Variants in PLCH1 observed in about 807,000 individuals in gnomAD.
PLCH1 encodes the protein phospholipase C eta 1.
A neutral mutation model predicts 126.7 loss-of-function variants in PLCH1; 60 were observed. That is an observed-to-expected ratio of 0.47 (90% CI 0.38 to 0.59). The LOEUF (loss-of-function observed/expected upper bound fraction) is 0.59, where lower values mean the gene tolerates loss of function less well. Among genes scored for constraint, PLCH1 ranks in the 20% least tolerant of loss-of-function variants. The pLI is 0.00. For missense variants in PLCH1, 1,723 were observed against 2,040.0 expected, an observed-to-expected ratio of 0.84 and a Z score of 2.99; for synonymous variants, 719 against 734.9, an observed-to-expected ratio of 0.98 and a Z score of 0.35.
intron 10 of PLCH1, among the ~76,000 whole-genome samples, chr3:155,529,158 T>C (rs1576919933): frequency 6.6e-6 from 1 of 152,360 alleles, no homozygotes; most frequent in East Asian, 1.9e-4. Flanking sequence ...CTTTCTGATC[T>C]ACATATATTT....
At chr3:155,598,247 C>T (rs150878779) in intron 2 of PLCH1, among the ~76,000 whole-genome samples, 1 of 152,042 alleles carries the variant, frequency 6.6e-6, no homozygotes, top group East Asian at 1.9e-4. Context: ...AAGCACAGAA[C>T]AAAAGTTGAG....
At chr3:155,555,429 G>C (rs1020887000) in intron 8 of PLCH1, among the ~76,000 whole-genome samples, 2 of 152,162 alleles carry the variant, frequency 1.3e-5, no homozygotes, top group Non-Finnish European at 2.9e-5. Flanking sequence ...CTTTAGAAGT[G>C]GTGAAGATGG....
intron 8 of PLCH1, among the ~76,000 whole-genome samples, chr3:155,557,493 AG>A (rs1726979259): frequency 6.6e-6 from 1 of 152,220 alleles, no homozygotes; most frequent in Admixed American, 6.5e-5. Context: ...TTCATAACTG[AG>A]GATAGGAGGT....
At chr3:155,542,242 C>G (rs181767562) in intron 10 of PLCH1, among the ~76,000 whole-genome samples, 15 of 152,352 alleles carry the variant, frequency 9.8e-5, no homozygotes, top group Non-Finnish European at 1.6e-4. Context: ...TATCCCGCAC[C>G]TGGCTCGGAG....
chr3:155,486,967 G>A (rs919837529), intron 21 of PLCH1: 4 of 152,134 alleles, frequency 2.6e-5, no homozygotes, highest in African/African-American at 9.7e-5. Context: ...TTAGATGAGA[G>A]GCAAGACCCC....
At chr3:155,726,878 C>CTTTTTTTTTT (rs201977097) in intron 1 of PLCH1, among the ~76,000 whole-genome samples, 9 of 133,120 alleles carry the variant, frequency 6.8e-5, no homozygotes, top group African/African-American at 1.9e-4. Flanking sequence ...TTTCTTTTTT[C>CTTTTTTTTTT]TTTTTTTTTT....
chr3:155,553,981 T>C (rs1726473930), intron 9 of PLCH1, 95 bp downstream of exon 9: 2 of 1,218,074 alleles, frequency 1.6e-6, no homozygotes, highest in African/African-American at 3.0e-5. Context: ...CAGTGTAGAG[T>C]CCAAGGAAGA....
intron 14 of PLCH1, among the ~76,000 whole-genome samples, chr3:155,498,675 G>GA (rs1489910483): frequency 6.6e-6 from 1 of 152,180 alleles, no homozygotes; most frequent in Non-Finnish European, 1.5e-5. Flanking sequence ...TTATTGGAGA[G>GA]ATGTAATTAC....
At chr3:155,617,451 C>T (rs1214194803) in intron 2 of PLCH1, among the ~76,000 whole-genome samples, 1 of 146,254 alleles carries the variant, frequency 6.8e-6, no homozygotes, top group African/African-American at 2.6e-5. Context: ...TTGCTTGAAA[C>T]TTTGCTGATC....
chr3:155,683,468 A>AGG (rs1429804603), intron 2 of PLCH1, among the ~76,000 whole-genome samples: 1 of 152,232 alleles, frequency 6.6e-6, no homozygotes, highest in African/African-American at 2.4e-5. Context: ...TTTTATACAC[A>AGG]GGTGCTATAA....
chr3:155,705,194 T>TA (rs1746564610), intron 1 of PLCH1, among the ~76,000 whole-genome samples: 1 of 152,176 alleles, frequency 6.6e-6, no homozygotes, highest in Admixed American at 6.5e-5. Flanking sequence ...TATCCCAGGA[T>TA]AAAATCAGTC....
At chr3:155,550,340 G>T (rs1280505818) in intron 9 of PLCH1, among the ~76,000 whole-genome samples, 1 of 152,044 alleles carries the variant, frequency 6.6e-6, no homozygotes, top group Non-Finnish European at 1.5e-5. Flanking sequence ...AAGTCTAACA[G>T]CTTCTAAGAG....
intron 1 of PLCH1, among the ~76,000 whole-genome samples, chr3:155,708,358 C>T (rs1746845290): frequency 1.3e-5 from 2 of 152,170 alleles, no homozygotes; most frequent in Non-Finnish European, 2.9e-5. Flanking sequence ...AAGAGCCAGG[C>T]CCTAGGGCTC....
intron 11 of PLCH1, 32 bp downstream of exon 11, chr3:155,523,865 G>T (rs1055551200): frequency 1.6e-6 from 2 of 1,247,220 alleles, no homozygotes; most frequent in African/African-American, 3.0e-5. Flanking sequence ...AGCATATCAA[G>T]GATAAAAAAT....
intron 2 of PLCH1, among the ~76,000 whole-genome samples, chr3:155,702,475 T>C (rs1746349975): frequency 6.6e-6 from 1 of 152,152 alleles, no homozygotes; most frequent in South Asian, 2.1e-4. Flanking sequence ...ATTCATAAAA[T>C]GGGTTGAATA....
chr3:155,638,872 C>T (rs1035595234), intron 2 of PLCH1, among the ~76,000 whole-genome samples: 5 of 152,124 alleles, frequency 3.3e-5, no homozygotes, highest in Non-Finnish European at 7.3e-5. Context: ...AAGGGTTTGA[C>T]TGCCTGCCAT....
Position 155,512,172 on chromosome 3 carries a change from C to T in PLCH1, c.1632+2551G>A, listed in dbSNP as rs143795763. ...GGAAAGGGAACTCCCTGACCCCTTG[C>T]GCTTCCCAGGTGAGGCAATGCCTCG... On this transcript the variant is annotated intron_variant, in intron 12 of 22. Coordinates refer to ENST00000460012, the MANE Select transcript of PLCH1 (RefSeq NM_014996.4). 9.3e-3 allele frequency among the ~76,000 whole-genome samples: 1,409 copies of T among 152,050 alleles called. 23 individuals carry two copies. The highest frequency in any genetic ancestry group is 0.032 in the African/African-American group (1,316 of 41,448).
chr3:155,675,510 A>G (rs1559925804), intron 2 of PLCH1, among the ~76,000 whole-genome samples: 1 of 152,150 alleles, frequency 6.6e-6, no homozygotes, highest in East Asian at 1.9e-4. Context: ...TTATAGAGCT[A>G]ATTATTTTTA....
intron 12 of PLCH1, among the ~76,000 whole-genome samples, chr3:155,511,526 G>T (rs2108214680): frequency 8.0e-6 from 1 of 125,750 alleles, no homozygotes; most frequent in East Asian, 2.2e-4. Flanking sequence ...TGTACAGATG[G>T]GTTTTCGGTG....
Sources: gnomAD v4.1 joint callset for allele counts (sites outside exome capture counted in the v4.1 genomes callset) on GRCh38, gnomAD v4.1.1 for gene constraint, MANE v1.5 for transcripts, NCBI Gene and HGNC (gene_info 2026-07-23, HGNC 2026-07-21) for gene names.